The following ASH1L variants were observed in gnomAD, a reference collection of about 807,000 sequenced individuals.
ASH1L encodes the protein ASH1 like histone lysine methyltransferase, also known as histone-lysine N-methyltransferase ASH1L.
In ASH1L, 23 loss-of-function variants were observed where a neutral mutation model predicts 269.0. The ratio of observed to expected loss-of-function variants is 0.09; its 90% confidence interval spans 0.06 to 0.12. The LOEUF (loss-of-function observed/expected upper bound fraction) is 0.12, where lower values mean the gene tolerates loss of function less well. Among genes scored for constraint, ASH1L ranks in the 10% least tolerant of loss-of-function variants. The pLI, the probability that ASH1L is intolerant of heterozygous loss-of-function variation, is 1.00. For synonymous variants in ASH1L, 1,187 were observed against 1,253.5 expected (o/e 0.95, Z 1.12); for missense variants, 2,912 against 3,567.8 (o/e 0.82, Z 4.68).
chr1:155,418,778 A>C (rs1294493645), intron 5 of ASH1L, among the ~76,000 whole-genome samples: 1 of 152,172 alleles, frequency 6.6e-6, no homozygotes, highest in Non-Finnish European at 1.5e-5. Context: ...AAAACAAAAG[A>C]AGCTAAAGAG....
chr1:155,514,858 A>G (rs1668393667), intron 2 of ASH1L, among the ~76,000 whole-genome samples: 1 of 152,140 alleles, frequency 6.6e-6, no homozygotes. Flanking sequence ...GGAACTCGGC[A>G]ACTTCAACCA....
In ASH1L at chr1:155,562,446, A is replaced by G. The variant is rs753018309; in HGVS notation, c.-393T>C. ...CGGGAGCGGCGGCGGCGGCGGCGGCAGCAGCAGAGTGGCGGCGGTGGCGGC... is the reference window on the plus strand; with the variant it reads ...CGGGAGCGGCGGCGGCGGCGGCGGCGGCAGCAGAGTGGCGGCGGTGGCGGC... On this transcript the variant is annotated 5_prime_UTR_variant, in exon 1 of 28. Transcript: ENST00000392403. 36 of 1,458,784 alleles carry G rather than the reference A, an allele frequency of 2.5e-5. 1 individual carries two copies. The highest frequency in any genetic ancestry group is 1.7e-4 in the South Asian group (14 of 82,346). 90.4% of individuals were successfully genotyped at this position (1,458,784 alleles called of 1,614,324 possible). A position where few individuals can be genotyped will look rare whatever the true frequency, so the allele number is the denominator to read the frequency against.
chr1:155,551,629 C>T (rs1671219514), intron 1 of ASH1L, among the ~76,000 whole-genome samples: 1 of 135,550 alleles, frequency 7.4e-6, no homozygotes, highest in South Asian at 2.3e-4. Flanking sequence ...CACTGCACTC[C>T]AGCCTGGGCG....
intron 1 of ASH1L, among the ~76,000 whole-genome samples, chr1:155,525,965 A>C (rs921879788): frequency 6.6e-6 from 1 of 152,178 alleles, no homozygotes; most frequent in East Asian, 1.9e-4. Context: ...ATGATATATA[A>C]ATAGTTATTA....
intron 6 of ASH1L, among the ~76,000 whole-genome samples, chr1:155,411,321 C>T (rs77204892): frequency 0.047 from 7,136 of 151,686 alleles, 581 homozygotes; most frequent in African/African-American, 0.17. Flanking sequence ...CCATTTTCTT[C>T]CTACTTATTT....
At position 155,335,739 on chromosome 1, in the gene ASH1L, T is replaced by C. The variant is rs556974313; in HGVS notation, c.*1921A>G. ...GACAGAGCGTAGTGTCTTTTGCTTCTGTTCTCGCATTTTACAAAGTTTTTT... is the reference window on the plus strand; with the variant it reads ...GACAGAGCGTAGTGTCTTTTGCTTCCGTTCTCGCATTTTACAAAGTTTTTT... On this transcript the variant is annotated 3_prime_UTR_variant, in exon 28 of 28. Coordinates refer to ENST00000392403, the MANE Select transcript of ASH1L (RefSeq NM_018489.3). 6.5e-6 allele frequency: 1 copy of C among 152,750 alleles called. No individual in the cohort carries two copies. The highest frequency in any genetic ancestry group is 2.4e-5 in the African/African-American group (1 of 41,446). The allele number at this position is 152,750 out of a possible 1,614,324, so 9.5% of individuals were successfully genotyped here.
chr1:155,337,288 G>GAATACTTTGGATGCT lies in ASH1L; in HGVS notation c.*371_*372insAGCATCCAAAGTATT. On this transcript the variant is annotated 3_prime_UTR_variant, in exon 28 of 28. Transcript: ENST00000392403. ...GGATTTTGAGTTATACCTGGGTATA[G>GAATACTTTGGATGCT]GAAGCAGCTTCTTCGCAATGCCTGT... 1 of 171,702 alleles carries GAATACTTTGGATGCT rather than the reference G, an allele frequency of 5.8e-6. No homozygotes were observed. Among genetic ancestry groups the GAATACTTTGGATGCT allele is most frequent in the Non-Finnish European group, 1.2e-5 (1 of 80,224 alleles). The allele number at this position is 171,702 out of a possible 1,614,324, so 10.6% of individuals were successfully genotyped here.
At chr1:155,370,692 C>G in intron 11 of ASH1L, 42 bp from the exon 12 acceptor site, 1 of 1,612,208 alleles carries the variant, frequency 6.2e-7, no homozygotes, top group Admixed American at 1.7e-5. Flanking sequence ...TAAAGAGTAG[C>G]TGAAAGTAAA....
At chr1:155,495,891 G>A (rs941213276) in intron 2 of ASH1L, among the ~76,000 whole-genome samples, 18 of 152,122 alleles carry the variant, frequency 1.2e-4, no homozygotes, top group Non-Finnish European at 2.1e-4. Flanking sequence ...TCAGCTACTC[G>A]GGAGGCTGAG....
chr1:155,381,801 G>A (rs1656978625), intron 7 of ASH1L, among the ~76,000 whole-genome samples: 1 of 151,722 alleles, frequency 6.6e-6, no homozygotes, highest in South Asian at 2.1e-4. Flanking sequence ...CTTGAACCTG[G>A]GAGGCAGAGG....
At chr1:155,544,894 C>G (rs977837004) in intron 1 of ASH1L, among the ~76,000 whole-genome samples, 1 of 151,814 alleles carries the variant, frequency 6.6e-6, no homozygotes, top group Admixed American at 6.6e-5. Flanking sequence ...AACTATTGGC[C>G]GGGCGCAGTG....
chr1:155,390,637 C>A lies in ASH1L; in HGVS notation c.6103+4822G>T, dbSNP rs535889924. 2.8e-3 allele frequency among the ~76,000 whole-genome samples: 381 copies of A among 135,136 alleles called. 2 individuals carry two copies. Among genetic ancestry groups the A allele is most frequent in the Non-Finnish European group, 5.2e-3 (319 of 61,842 alleles). The allele number at this position is 135,136 out of a possible 152,430, so 88.7% of individuals were successfully genotyped here. Reference sequence around the variant, plus strand: ...ATCTGTAGTTAATATCATTCTCCCCCCCCCCCCTTTTTTCTTTCTTTTTTT... The same window carrying A: ...ATCTGTAGTTAATATCATTCTCCCCACCCCCCCTTTTTTCTTTCTTTTTTT... On this transcript the variant is annotated intron_variant, in intron 7 of 27. Coordinates refer to ENST00000392403, the MANE Select transcript of ASH1L (RefSeq NM_018489.3).
intron 2 of ASH1L, among the ~76,000 whole-genome samples, chr1:155,518,347 A>G (rs571029995): frequency 1.6e-4 from 25 of 152,222 alleles, no homozygotes; most frequent in Admixed American, 3.3e-4. Context: ...TTTCTAGGCT[A>G]TGACACTAAT....
At chr1:155,351,499 G>C (rs1653924042) in intron 17 of ASH1L, among the ~76,000 whole-genome samples, 1 of 151,770 alleles carries the variant, frequency 6.6e-6, no homozygotes, top group Admixed American at 6.6e-5. Flanking sequence ...GATGTGGTGA[G>C]CCAAGATTGC....
chr1:155,386,895 A>G (rs1657480448), intron 7 of ASH1L, among the ~76,000 whole-genome samples: 1 of 151,994 alleles, frequency 6.6e-6, no homozygotes, highest in Admixed American at 6.6e-5. Context: ...TGGCATCGTC[A>G]TGAAGTCTTT....
At chr1:155,423,390 C>T (rs1660874422) in intron 5 of ASH1L, among the ~76,000 whole-genome samples, 1 of 151,826 alleles carries the variant, frequency 6.6e-6, no homozygotes, top group African/African-American at 2.4e-5. Context: ...ACCATCCTGG[C>T]CAACATGGTG....
chr1:155,371,188 C>T lies in ASH1L; in HGVS notation c.6333-205G>A, dbSNP rs115577995. ...CAAGTCGGGCTGCAAATCCTGAATG[C>T]TTCTTGTAAATGATTAAGCTAACTG... On this transcript the variant is annotated intron_variant, in intron 10 of 27. Coordinates refer to ENST00000392403, the MANE Select transcript of ASH1L (RefSeq NM_018489.3). Among the ~76,000 whole-genome samples, 351 of 152,218 alleles carry T rather than the reference C, an allele frequency of 2.3e-3. 1 individual carries two copies. Among genetic ancestry groups the T allele is most frequent in the African/African-American group, 8.1e-3 (336 of 41,542 alleles).
chr1:155,433,106 A>C (rs938497017), intron 5 of ASH1L: 1 of 1,360,182 alleles, frequency 7.4e-7, no homozygotes, highest in African/African-American at 1.5e-5. Flanking sequence ...AGATACCAAA[A>C]TAGACTGATA....
chr1:155,393,767 T>G (rs1024675563), intron 7 of ASH1L, among the ~76,000 whole-genome samples: 1 of 152,054 alleles, frequency 6.6e-6, no homozygotes, highest in Non-Finnish European at 1.5e-5. Context: ...TTAGTCAGGA[T>G]AGTCTCAATC....
Sources: gnomAD v4.1 joint callset for allele counts (sites outside exome capture counted in the v4.1 genomes callset) on GRCh38, gnomAD v4.1.1 for gene constraint, MANE v1.5 for transcripts, NCBI Gene and HGNC (gene_info 2026-07-23, HGNC 2026-07-21) for gene names.